POLA2: variants seen among roughly 807,000 people sequenced by gnomAD.
POLA2 encodes the protein DNA polymerase alpha 2, accessory subunit, also known as DNA polymerase alpha subunit B.
Under a neutral mutation model 82.8 loss-of-function variants are expected in POLA2, and 47 were observed. The ratio of observed to expected loss-of-function variants is 0.57; its 90% CI spans 0.45 to 0.72. POLA2 has a LOEUF of 0.72. Among genes scored for constraint, POLA2 ranks in the 30% least tolerant of loss-of-function variants. The pLI is 0.00. For missense variants in POLA2, 634 were observed against 728.1 expected (o/e 0.87, Z 1.49); for synonymous variants, 287 against 286.8 (o/e 1.00, Z -0.01).
chr11:65,277,872 T>G (rs1167400827), intron 5 of POLA2, among the ~76,000 whole-genome samples: 1 of 152,210 alleles, frequency 6.6e-6, no homozygotes, highest in Non-Finnish European at 1.5e-5. Context: ...TCTAAACTAT[T>G]CACGTAGAGG....
At chr11:65,273,814 T>C (rs1056855720) in intron 4 of POLA2, among the ~76,000 whole-genome samples, 4 of 152,014 alleles carry the variant, frequency 2.6e-5, no homozygotes, top group Admixed American at 6.6e-5. Context: ...AATCTTTTTC[T>C]ATCATTTGAC....
intron 1 of POLA2, among the ~76,000 whole-genome samples, chr11:65,262,946 CTG>C (rs1949414705): frequency 6.6e-6 from 1 of 152,116 alleles, no homozygotes; most frequent in African/African-American, 2.4e-5. Context: ...CCTGAGCTGT[CTG>C]TGAAGCCAGG....
chr11:65,303,268 G>C (rs1949868130), downstream of POLA2, among the ~76,000 whole-genome samples: 1 of 151,642 alleles, frequency 6.6e-6, no homozygotes, highest in African/African-American at 2.4e-5. Flanking sequence ...CGTGAACCCG[G>C]GAGGTGGAGC....
chr11:65,293,802 T>C (rs773499923), intron 13 of POLA2, among the ~76,000 whole-genome samples: 1 of 152,160 alleles, frequency 6.6e-6, no homozygotes, highest in African/African-American at 2.4e-5. Flanking sequence ...GCTGTGATTC[T>C]TTATTCACAT....
intron 4 of POLA2, among the ~76,000 whole-genome samples, chr11:65,274,861 T>C (rs1315908436): frequency 6.6e-6 from 1 of 152,114 alleles, no homozygotes; most frequent in Non-Finnish European, 1.5e-5. Context: ...CACGCCTGGC[T>C]TTTCTTTTTC....
At chr11:65,274,073 T>A (rs1949550307) in intron 4 of POLA2, among the ~76,000 whole-genome samples, 1 of 152,038 alleles carries the variant, frequency 6.6e-6, no homozygotes, top group African/African-American at 2.4e-5. Context: ...ATAACACAGC[T>A]ACTAAAAAGG....
chr11:65,263,924 C>G (rs1373867411), intron 1 of POLA2, among the ~76,000 whole-genome samples: 1 of 152,096 alleles, frequency 6.6e-6, no homozygotes, highest in East Asian at 1.9e-4. Context: ...TTATGTGAAC[C>G]AGATTTGTAA....
chr11:65,295,737 CCA>C, intron 16 of POLA2, 125 bp from the exon 17 acceptor site: 2 of 1,329,692 alleles, frequency 1.5e-6, no homozygotes, highest in Non-Finnish European at 2.2e-6. Context: ...GCATTCTGCC[CCA>C]CACACACAGA....
chr11:65,266,990 A>G (rs766774362), intron 2 of POLA2, among the ~76,000 whole-genome samples: 3 of 152,086 alleles, frequency 2.0e-5, no homozygotes, highest in Non-Finnish European at 4.4e-5. Context: ...GGCAGATCAC[A>G]AGGTCAGGAG....
intron 15 of POLA2, 63 bp from the exon 16 acceptor site, chr11:65,295,477 C>G: frequency 7.4e-7 from 1 of 1,359,938 alleles, no homozygotes; most frequent in South Asian, 1.2e-5. Context: ...TTCTCCAGTC[C>G]TCCCTGAAGA....
At chr11:65,301,145 C>T (rs903204762), downstream of POLA2, among the ~76,000 whole-genome samples, 3 of 151,388 alleles carry the variant, frequency 2.0e-5, no homozygotes, top group African/African-American at 4.9e-5. Flanking sequence ...CGAAGGAAGA[C>T]AAGGCAAAGA....
intron 8 of POLA2, 25 bp downstream of exon 8, chr11:65,281,172 A>G (rs1949637219): frequency 1.9e-6 from 3 of 1,611,274 alleles, no homozygotes; most frequent in Non-Finnish European, 2.5e-6. Flanking sequence ...GTTCCACCAG[A>G]ATGCAGGCGC....
At chr11:65,266,166 G>A (rs1169264980) in intron 1 of POLA2, among the ~76,000 whole-genome samples, 1 of 152,092 alleles carries the variant, frequency 6.6e-6, no homozygotes, top group Non-Finnish European at 1.5e-5. Flanking sequence ...TCTTCCTGTT[G>A]CACAGGCTAA....
Position 65,269,863 on chromosome 11 carries a change from T to C in POLA2, c.354+1134T>C, listed in dbSNP as rs558606290. The stretch of plus-strand genomic sequence containing the variant: ...GTTGTTGTTGTTTTGAGATGGAGTT[T>C]TCCTCTTGTTGCCCAGGCTGGAGTG... On this transcript the variant is annotated intron_variant, in intron 4 of 17. Coordinates refer to ENST00000265465, the MANE Select transcript of POLA2 (RefSeq NM_002689.4). Among the ~76,000 whole-genome samples, 11 of 152,316 alleles carry C rather than the reference T, an allele frequency of 7.2e-5. 1 individual carries two copies. In the South Asian group the frequency reaches 2.1e-3, roughly 29 times the overall value.
chr11:65,296,069 C>A (rs1336631529), intron 17 of POLA2, 79 bp downstream of exon 17: 1 of 1,536,276 alleles, frequency 6.5e-7, no homozygotes, highest in Non-Finnish European at 9.0e-7. Flanking sequence ...CCGGCACTCA[C>A]CCCTCATGGG....
rs528596031 is a variant in POLA2, at chr11:65,274,722, ATAAT to A, written c.355-1165_355-1162del. ...AATGTAACAGTGTGGGAAAATGTTG[ATAAT>A]TAATATAGAGTGAAAAAATTCAGCA... is the stretch of plus-strand genomic sequence containing the variant. On this transcript the variant is annotated intron_variant, in intron 4 of 17. Coordinates refer to ENST00000265465, the MANE Select transcript of POLA2 (RefSeq NM_002689.4). 1.1e-3 allele frequency among the ~76,000 whole-genome samples: 165 copies of A among 152,228 alleles called. 2 individuals carry two copies. The highest frequency in any genetic ancestry group is 3.5e-3 in the African/African-American group (147 of 41,550).
chr11:65,295,743 A>T (rs557317096), intron 16 of POLA2, 121 bp from the exon 17 acceptor site: 3 of 1,361,026 alleles, frequency 2.2e-6, no homozygotes, highest in Non-Finnish European at 3.1e-6. Context: ...TGCCCCACAC[A>T]CACAGAGAAA....
At chr11:65,275,850 G>A (rs79688041) in intron 4 of POLA2, 42 bp from the exon 5 acceptor site, 18,360 of 1,132,742 alleles carry the variant, frequency 0.016, 183 homozygotes, top group Non-Finnish European at 0.021. Flanking sequence ...TTAGTATTGG[G>A]TCTAGTAGGA....
rs1332090288 is a variant in POLA2, at chr11:65,280,977, A to G, written c.745-15A>G. ...CAAAGACTGTCATTCTTATGCTGTG[A>G]CCTTCCTTTGGTAGGAGCCTGTCAC... is the stretch of plus-strand genomic sequence containing the variant. On this transcript the variant is annotated splice_polypyrimidine_tract_variant and intron_variant, in intron 7 of 17. Coordinates refer to ENST00000265465, the MANE Select transcript of POLA2 (RefSeq NM_002689.4). 1 of 1,612,712 alleles carries G rather than the reference A, an allele frequency of 6.2e-7. No homozygotes were observed. Among genetic ancestry groups the G allele is most frequent in the Admixed American group, 1.7e-5 (1 of 59,938 alleles).
Sources: allele counts gnomAD v4.1 joint callset (sites outside exome capture counted in the v4.1 genomes callset), GRCh38; gene constraint gnomAD v4.1.1; transcripts MANE v1.5; gene names NCBI Gene and HGNC (gene_info 2026-07-23, HGNC 2026-07-21).